The following ZNF730 variants were observed in gnomAD, a reference collection of about 807,000 sequenced individuals.
The protein encoded by ZNF730 is putative zinc finger protein 730.
In ZNF730, 12 loss-of-function variants were observed where a neutral mutation model predicts 12.6. The ratio of observed to expected loss-of-function variants is 0.95; its 90% CI spans 0.61 to 1.54. The LOEUF is 1.54. Ranked by LOEUF, ZNF730 falls within the 40% of genes most tolerant of loss-of-function variation. The pLI, the probability that ZNF730 is intolerant of heterozygous loss-of-function variation, is 0.00. For synonymous variants in ZNF730, 194 were observed against 195.8 expected (o/e 0.99, Z 0.08); for missense variants, 643 against 583.5 (o/e 1.10, Z -1.05).
intron 1 of ZNF730, among the ~76,000 whole-genome samples, chr19:23,094,364 A>G (rs972854887): frequency 7.2e-6 from 1 of 139,796 alleles, no homozygotes; most frequent in Non-Finnish European, 1.5e-5. Flanking sequence ...GGCTCTATCT[A>G]TCTATCTATC....
At chr19:23,103,759 A>C (rs1226030588) in intron 1 of ZNF730, among the ~76,000 whole-genome samples, 2 of 152,178 alleles carry the variant, frequency 1.3e-5, no homozygotes, top group East Asian at 3.8e-4. Flanking sequence ...GATTTCTAAA[A>C]TTCTAATATA....
intron 1 of ZNF730, among the ~76,000 whole-genome samples, chr19:23,124,351 G>T (rs543538098): frequency 1.3e-5 from 2 of 152,296 alleles, no homozygotes; most frequent in Non-Finnish European, 2.9e-5. Flanking sequence ...AGTATCCAGA[G>T]CCATAACCAC....
At position 23,123,896 on chromosome 19, in the gene ZNF730, A is replaced by G. The variant is rs1435863408; in HGVS notation, c.3+6720A>G. ...GTCTCTGTGAATGAGGTGGGTTGTC[A>G]CAGGGAGAATATTCTTGGAGTTATC... On this transcript the variant is annotated intron_variant, in intron 1 of 3. Transcript: ENST00000597761. 4.6e-5 allele frequency: 7 copies of G among 153,192 alleles called. No individual in the cohort carries two copies. In the Admixed American group the frequency reaches 4.6e-4, roughly 10 times the overall value. The allele number at this position is 153,192 out of a possible 1,614,324, so 9.5% of individuals were successfully genotyped here. A position where few individuals can be genotyped will look rare whatever the true frequency, so the allele number is the denominator to read the frequency against.
At chr19:23,089,772 G>A (rs1376048001) in intron 1 of ZNF730, among the ~76,000 whole-genome samples, 1 of 152,092 alleles carries the variant, frequency 6.6e-6, no homozygotes, top group Admixed American at 6.6e-5. Context: ...AGTAGACTGG[G>A]GCCTTGCTGA....
At chr19:23,141,113 G>A in intron 3 of ZNF730, among the ~76,000 whole-genome samples, 1 of 152,026 alleles carries the variant, frequency 6.6e-6, no homozygotes, top group African/African-American at 2.4e-5. Flanking sequence ...AAAAAATTTA[G>A]GCTAGATGTG....
intron 1 of ZNF730, among the ~76,000 whole-genome samples, chr19:23,122,131 G>C (rs747638164): frequency 2.5e-5 from 2 of 81,044 alleles, no homozygotes; most frequent in Non-Finnish European, 4.9e-5. Context: ...TTTGTTTAAA[G>C]CTTTTTTTTT....
intron 1 of ZNF730, among the ~76,000 whole-genome samples, chr19:23,090,847 A>G (rs2145485615): frequency 6.6e-6 from 1 of 152,058 alleles, no homozygotes. Context: ...AAATACAAAA[A>G]CTAGCCAGGC....
At chr19:23,145,238 C>A in intron 3 of ZNF730, 33 bp from the exon 4 acceptor site, 1 of 1,390,698 alleles carries the variant, frequency 7.2e-7, no homozygotes, top group Non-Finnish European at 9.5e-7. Context: ...CAGTCTAGTA[C>A]ATGCAGTAAT....
intron 1 of ZNF730, among the ~76,000 whole-genome samples, chr19:23,096,201 CGTG>C (rs1970248709): frequency 6.6e-6 from 1 of 151,620 alleles, no homozygotes; most frequent in Non-Finnish European, 1.5e-5. Flanking sequence ...CTCAAGGTAC[CGTG>C]ACATTGCTGG....
At position 23,124,452 on chromosome 19, in the gene ZNF730, G is replaced by T. The variant is rs114911836; in HGVS notation, c.3+7276G>T. Among the ~76,000 whole-genome samples the T allele has an allele frequency of 8.0e-3, 1,219 of 152,300 alleles. 19 individuals carry two copies. The highest frequency in any genetic ancestry group is 0.028 in the African/African-American group (1,167 of 41,554). ...GCTAGAATCAGGACAGGTGATCCAG[G>T]TTCTGGAGCTCGACCAGAGCAGTTC... On this transcript the variant is annotated intron_variant, in intron 1 of 3. Transcript: ENST00000597761.
intron 1 of ZNF730, among the ~76,000 whole-genome samples, chr19:23,105,583 G>A (rs971377685): frequency 2.0e-5 from 3 of 152,088 alleles, no homozygotes; most frequent in African/African-American, 4.8e-5. Flanking sequence ...TGCTGATGAG[G>A]ATTTACAGCA....
upstream of ZNF730, among the ~76,000 whole-genome samples, chr19:23,114,305 C>CTTTTTTTTTTTTTTTTT (rs869304180): frequency 2.9e-5 from 3 of 103,508 alleles, no homozygotes; most frequent in South Asian, 3.0e-4. Context: ...TTTTTCTTTT[C>CTTTTTTTTTTTTTTTTT]TTTTTTTTTT....
intron 1 of ZNF730, among the ~76,000 whole-genome samples, chr19:23,095,845 A>G (rs555652178): frequency 1.3e-5 from 2 of 152,266 alleles, no homozygotes; most frequent in East Asian, 1.9e-4. Context: ...TGCTTTGCCT[A>G]CAGGAGAGAG....
At position 23,086,131 on chromosome 19, in the gene ZNF730, C is replaced by T. The variant is rs201801142; in HGVS notation, c.-94+10744C>T. Among the ~76,000 whole-genome samples the T allele has an allele frequency of 1.4e-4, 21 of 152,256 alleles. No individual in the cohort carries two copies. The East Asian group carries it at 3.9e-3, about 28-fold the overall frequency. The stretch of plus-strand genomic sequence containing the variant: ...GTGCTGTGATTACAGGCGTGAGCCG[C>T]CTTGCCCGGCCCCACCCAATTTTTA... On this transcript the variant is annotated intron_variant, in intron 1 of 2. Transcript: ENST00000593635.
At position 23,110,161 on chromosome 19, in the gene ZNF730, T is replaced by C. The variant is rs570189753; in HGVS notation, c.-93-23919T>C. Among the ~76,000 whole-genome samples, 26 of 125,062 alleles carry C rather than the reference T, an allele frequency of 2.1e-4. No homozygotes were observed. The South Asian group carries it at 5.0e-3, about 24-fold the overall frequency. 82.0% of individuals were successfully genotyped at this position (125,062 alleles called of 152,430 possible). A position where few individuals can be genotyped will look rare whatever the true frequency, so the allele number is the denominator to read the frequency against. ...TTTGTATTTTTAGTAGAGAAGGGGT[T>C]TCACCATGTTGATCAGGCTGGATGG... On this transcript the variant is annotated intron_variant, in intron 1 of 2. Transcript: ENST00000593635.
intron 1 of ZNF730, among the ~76,000 whole-genome samples, chr19:23,110,534 G>A (rs925573690): frequency 6.6e-6 from 1 of 150,628 alleles, no homozygotes; most frequent in African/African-American, 2.4e-5. Flanking sequence ...ACCCGCCTTG[G>A]CCTCCCAAAG....
intron 1 of ZNF730, among the ~76,000 whole-genome samples, chr19:23,130,953 G>A (rs1291486058): frequency 6.6e-6 from 1 of 152,168 alleles, no homozygotes; most frequent in African/African-American, 2.4e-5. Context: ...TCAGTTTTGG[G>A]TGATGAATCC....
chr19:23,116,700 CG>C (rs917524334), upstream of ZNF730, among the ~76,000 whole-genome samples: 1 of 151,582 alleles, frequency 6.6e-6, no homozygotes, highest in African/African-American at 2.4e-5. Context: ...GGATTACAGG[CG>C]TGAGCCACCG....
At chr19:23,105,381 G>T (rs997771888) in intron 1 of ZNF730, among the ~76,000 whole-genome samples, 1 of 151,960 alleles carries the variant, frequency 6.6e-6, no homozygotes, top group African/African-American at 2.4e-5. Flanking sequence ...CCAAAGTGCT[G>T]GGATTACAGG....
Sources: allele counts gnomAD v4.1 joint callset (sites outside exome capture counted in the v4.1 genomes callset), GRCh38; gene constraint gnomAD v4.1.1; transcripts MANE v1.5; gene names NCBI Gene and HGNC (gene_info 2026-07-23, HGNC 2026-07-21).